Variants in ARSB observed in about 807,000 individuals in gnomAD.
ARSB encodes the protein N-acetylgalactosamine-4-sulfatase.
ARSB carries 41 observed loss-of-function variants against 50.9 expected under a neutral mutation model. The ratio of observed to expected loss-of-function variants is 0.81; its 90% CI spans 0.63 to 1.04. The LOEUF (loss-of-function observed/expected upper bound fraction) is 1.04. Among genes scored for constraint, ARSB ranks in the 50% least tolerant of loss-of-function variants. The probability of loss-of-function intolerance (pLI) is 0.00; values close to 1 mark genes in which losing one functional copy is unlikely to be tolerated. For synonymous variants in ARSB, 269 were observed against 284.8 expected (o/e 0.94, Z 0.56); for missense variants, 672 against 693.3 (o/e 0.97, Z 0.35).
At chr5:78,960,830 T>C (rs1561528322) in intron 3 of ARSB, among the ~76,000 whole-genome samples, 1 of 152,214 alleles carries the variant, frequency 6.6e-6, no homozygotes, top group Non-Finnish European at 1.5e-5. Flanking sequence ...CCCAAAGTGC[T>C]GGGATTACAG....
At chr5:78,807,019 C>CTGGGAG (rs1338721580) in intron 6 of ARSB, among the ~76,000 whole-genome samples, 46 of 152,352 alleles carry the variant, frequency 3.0e-4, no homozygotes, top group Non-Finnish European at 5.4e-4. Flanking sequence ...TGGCAGAAAG[C>CTGGGAG]TGGGCCATGA....
upstream of ARSB, chr5:78,985,432 T>A: frequency 2.1e-6 from 1 of 470,066 alleles, no homozygotes; most frequent in Non-Finnish European, 3.2e-6. Context: ...CCGGCTGCTG[T>A]GGCGGAGGAG....
intron 2 of ARSB, among the ~76,000 whole-genome samples, chr5:78,964,821 C>T (rs1339251045): frequency 6.6e-6 from 1 of 151,934 alleles, no homozygotes; most frequent in East Asian, 1.9e-4. Context: ...CCTCATTCGC[C>T]TTTAGAATAT....
chr5:78,806,273 T>C (rs993730446), intron 6 of ARSB, among the ~76,000 whole-genome samples: 5 of 152,246 alleles, frequency 3.3e-5, no homozygotes, highest in African/African-American at 4.8e-5. Flanking sequence ...TCCCCTGGCA[T>C]GTGTAACAAC....
intron 4 of ARSB, among the ~76,000 whole-genome samples, chr5:78,896,323 C>CCA (rs889409762): frequency 6.6e-6 from 1 of 152,032 alleles, no homozygotes; most frequent in African/African-American, 2.4e-5. Flanking sequence ...TGACTATGGA[C>CCA]CACACACTTC....
intron 5 of ARSB, among the ~76,000 whole-genome samples, chr5:78,849,233 A>G (rs1468017004): frequency 2.0e-4 from 31 of 151,330 alleles, no homozygotes; most frequent in East Asian, 1.5e-3. Flanking sequence ...ATCTTGAATT[A>G]ATTTTTGTAT....
chr5:78,955,177 G>T, intron 4 of ARSB, 118 bp downstream of exon 4: 1 of 943,670 alleles, frequency 1.1e-6, no homozygotes, highest in East Asian at 2.6e-5. Flanking sequence ...CTCCACTATT[G>T]CAGTTTGCAT....
intron 4 of ARSB, among the ~76,000 whole-genome samples, chr5:78,923,175 C>T (rs1360108693): frequency 6.6e-6 from 1 of 152,220 alleles, no homozygotes; most frequent in African/African-American, 2.4e-5. Flanking sequence ...GGCTGACCAC[C>T]GCCACAGGTG....
chr5:78,807,080 G>A (rs1743593194), intron 6 of ARSB, among the ~76,000 whole-genome samples: 1 of 152,162 alleles, frequency 6.6e-6, no homozygotes, highest in South Asian at 2.1e-4. Context: ...ATTCCGTGTT[G>A]GGGTGTGGTG....
At chr5:78,839,476 T>C in intron 5 of ARSB, 50 bp from the exon 6 acceptor site, 1 of 1,485,560 alleles carries the variant, frequency 6.7e-7, no homozygotes, top group Non-Finnish European at 9.4e-7. Flanking sequence ...CTAATGGGCA[T>C]GAATTATTTT....
intron 3 of ARSB, among the ~76,000 whole-genome samples, chr5:78,962,322 T>TCAGA: frequency 6.6e-6 from 1 of 152,220 alleles, no homozygotes; most frequent in African/African-American, 2.4e-5. Flanking sequence ...TAGCAACTAT[T>TCAGA]TTTCCAATTA....
At chr5:78,819,836 C>T (rs557815537) in intron 6 of ARSB, among the ~76,000 whole-genome samples, 1 of 152,332 alleles carries the variant, frequency 6.6e-6, no homozygotes, top group South Asian at 2.1e-4. Flanking sequence ...TGGCAAATGG[C>T]ACAGAAGGGC....
intron 1 of ARSB, 39 bp downstream of exon 1, chr5:78,984,898 C>CGGGGCGGGG: frequency 7.9e-7 from 1 of 1,271,616 alleles, no homozygotes; most frequent in Non-Finnish European, 9.9e-7. Context: ...CGGCGAAAGG[C>CGGGGCGGGG]GGGGCGGGGG....
intron 4 of ARSB, among the ~76,000 whole-genome samples, chr5:78,906,845 T>C (rs1749089701): frequency 6.6e-6 from 1 of 152,208 alleles, no homozygotes; most frequent in Non-Finnish European, 1.5e-5. Context: ...CTAAGGGAAC[T>C]TGTGATACTT....
rs368030435 is a variant in ARSB at position 78,841,168 on chromosome 5, C to CTACTACTAATAATAA, written c.1143-1743_1143-1742insTTATTATTAGTAGTA. The stretch of plus-strand genomic sequence containing the variant: ...ACTACTACTACTACTACTACTACTA[C>CTACTACTAATAATAA]TAATAATAATAATAATTTGAGCATG... On this transcript the variant is annotated intron_variant, in intron 5 of 7. Transcript: ENST00000264914. Among the ~76,000 whole-genome samples the CTACTACTAATAATAA allele has an allele frequency of 6.0e-3, 787 of 131,978 alleles. 7 individuals are homozygous for CTACTACTAATAATAA. The highest frequency in any genetic ancestry group is 0.021 in the Admixed American group (263 of 12,414). 86.6% of individuals were successfully genotyped at this position (131,978 alleles called of 152,430 possible).
At chr5:78,782,048 C>A in intron 6 of ARSB, 74 bp from the exon 7 acceptor site, 2 of 1,583,112 alleles carry the variant, frequency 1.3e-6, no homozygotes, top group Non-Finnish European at 1.7e-6. Context: ...ATTTTATACC[C>A]TTGCAGAACA....
Position 78,817,157 on chromosome 5 carries a change from T to C in ARSB, c.1213+22199A>G, listed in dbSNP as rs116197513. On this transcript the variant is annotated intron_variant, in intron 6 of 7. Transcript: ENST00000264914. ...TACTGGGAGAGATAAAGAATGATCA[T>C]TAGTAGGCACAAAATAACAACAGCT... is the stretch of plus-strand genomic sequence containing the variant. 1.5e-3 allele frequency: 1,483 copies of C among 977,322 alleles called. 21 individuals carry two copies. The African/African-American group carries it at 0.023, about 15-fold the overall frequency. 60.5% of individuals were successfully genotyped at this position (977,322 alleles called of 1,614,324 possible). A position where few individuals can be genotyped will look rare whatever the true frequency, so the allele number is the denominator to read the frequency against.
chr5:78,933,545 C>T (rs886774543), intron 4 of ARSB, among the ~76,000 whole-genome samples: 2 of 148,314 alleles, frequency 1.3e-5, no homozygotes, highest in African/African-American at 4.9e-5. Flanking sequence ...GTCTGTTTTT[C>T]AGAGAAGTCT....
intron 4 of ARSB, among the ~76,000 whole-genome samples, chr5:78,914,678 T>C (rs1034111974): frequency 6.6e-6 from 1 of 152,196 alleles, no homozygotes; most frequent in African/African-American, 2.4e-5. Context: ...TTTTATTTCA[T>C]GAAAGTCTTT....
Sources: allele counts gnomAD v4.1 joint callset (sites outside exome capture counted in the v4.1 genomes callset), GRCh38; gene constraint gnomAD v4.1.1; transcripts MANE v1.5; gene names NCBI Gene and HGNC (gene_info 2026-07-23, HGNC 2026-07-21).